WNK2: variants seen among roughly 807,000 people sequenced by gnomAD.
WNK2 encodes the protein serine/threonine-protein kinase WNK2.
In WNK2, 67 loss-of-function variants were observed where a neutral mutation model predicts 192.1. That is an observed-to-expected ratio of 0.35 (90% CI 0.29 to 0.43). The LOEUF (loss-of-function observed/expected upper bound fraction) is 0.43. Among genes scored for constraint, WNK2 ranks in the 20% least tolerant of loss-of-function variants. The probability of loss-of-function intolerance (pLI) is 1.00; values close to 1 mark genes in which losing one functional copy is unlikely to be tolerated. For synonymous variants in WNK2, 1,439 were observed against 1,393.9 expected (o/e 1.03, Z -0.72); for missense variants, 2,698 against 3,089.7 (o/e 0.87, Z 3.01).
chr9:93,289,658 T>G (rs1194526511), intron 20 of WNK2, 38 bp downstream of exon 20: 2 of 1,427,142 alleles, frequency 1.4e-6, no homozygotes, highest in Non-Finnish European at 1.8e-6. Context: ...CTGCCCTGGG[T>G]CAGGGGCCGG....
chr9:93,299,196 G>A lies in WNK2; in HGVS notation c.6050G>A (p.Arg2017Gln), dbSNP rs779498375. ...AVQTQQPCSV[R>Q]ASLSSDICSG... Reference sequence around the variant, plus strand: ...CAGACCCAGCAGCCCTGCTCCGTCCGGGCCTCCCTGTCTTCGGACATCTGC... The same window carrying A: ...CAGACCCAGCAGCCCTGCTCCGTCCAGGCCTCCCTGTCTTCGGACATCTGC... The change falls in exon 25 of 30, where the codon CGG (arginine) becomes CAG (glutamine). Residue 2017 changes from arginine to glutamine, a missense_variant. Transcript: ENST00000427277. 9.4e-6 allele frequency: 15 copies of A among 1,601,386 alleles called. No individual in the cohort carries two copies. Among genetic ancestry groups the A allele is most frequent in the African/African-American group, 6.7e-5 (5 of 74,688 alleles).
intron 2 of WNK2, among the ~76,000 whole-genome samples, chr9:93,195,486 G>A (rs1320344215): frequency 6.6e-6 from 1 of 152,134 alleles, no homozygotes; most frequent in African/African-American, 2.4e-5. Flanking sequence ...ATCACTTGAG[G>A]TCAGGAGTTT....
chr9:93,198,210 G>A (rs1447809903), intron 2 of WNK2, among the ~76,000 whole-genome samples: 4 of 152,202 alleles, frequency 2.6e-5, no homozygotes, highest in Non-Finnish European at 5.9e-5. Flanking sequence ...CCTCAGGATC[G>A]CCCAGCTCCC....
At chr9:93,311,972 A>G (rs1251837461) in intron 28 of WNK2, among the ~76,000 whole-genome samples, 3 of 152,136 alleles carry the variant, frequency 2.0e-5, no homozygotes, top group African/African-American at 7.2e-5. Flanking sequence ...TCAGGTGTGA[A>G]GTGGTATCCT....
chr9:93,299,479 A>G (rs1387476650), intron 25 of WNK2, among the ~76,000 whole-genome samples: 1 of 152,032 alleles, frequency 6.6e-6, no homozygotes. Flanking sequence ...TAAGCAGCTC[A>G]GGGGGAGGTG....
At chr9:93,262,826 T>A in intron 14 of WNK2, 107 bp downstream of exon 14, 1 of 1,271,462 alleles carries the variant, frequency 7.9e-7, no homozygotes, top group Non-Finnish European at 1.1e-6. Flanking sequence ...CACTATAGTT[T>A]GCCCTGATGC....
chr9:93,235,868 C>T (rs898556651), intron 5 of WNK2, among the ~76,000 whole-genome samples: 2 of 152,226 alleles, frequency 1.3e-5, no homozygotes, highest in South Asian at 4.1e-4. Context: ...GCTGCACAGC[C>T]TCACTCTGAC....
At position 93,239,615 on chromosome 9, in the gene WNK2, C is replaced by G; in HGVS notation, c.1323-142C>G. The G allele has an allele frequency of 1.5e-6, 1 of 647,778 alleles. No individual in the cohort carries two copies. The highest frequency in any genetic ancestry group is 1.8e-5 in the African/African-American group (1 of 54,792). The allele number at this position is 647,778 out of a possible 1,614,324, so 40.1% of individuals were successfully genotyped here. ...TGGATTCACTGAAATCTTTTCTTTA[C>G]CCCTGGGAGTGCTGAGACATGAGGC... On this transcript the variant is annotated intron_variant, in intron 6 of 29. Transcript: ENST00000427277. The surrounding 1 kb of genome is among the most constrained non-coding windows in gnomAD (Gnocchi z 4.2).
At chr9:93,276,328 G>A (rs1043214542) in intron 19 of WNK2, among the ~76,000 whole-genome samples, 4 of 152,198 alleles carry the variant, frequency 2.6e-5, no homozygotes, top group African/African-American at 7.2e-5. Flanking sequence ...AGATGCAAAA[G>A]CAATCCAAGA....
intron 2 of WNK2, among the ~76,000 whole-genome samples, chr9:93,190,570 A>T (rs1830164820): frequency 6.6e-6 from 1 of 152,238 alleles, no homozygotes; most frequent in Non-Finnish European, 1.5e-5. Context: ...CCATTGCCAA[A>T]GCTTGTGTTT....
chr9:93,299,044 C>T (rs1851121564), intron 24 of WNK2, 26 bp from the exon 25 acceptor site: 1 of 1,599,776 alleles, frequency 6.3e-7, no homozygotes, highest in Admixed American at 1.7e-5. Flanking sequence ...CTCATCGTGC[C>T]TGTCGCCTCT....
chr9:93,187,183 A>T (rs1044888465), intron 2 of WNK2, among the ~76,000 whole-genome samples: 4 of 152,054 alleles, frequency 2.6e-5, no homozygotes, highest in African/African-American at 9.7e-5. Flanking sequence ...GAGCCTGCTG[A>T]TCTGGCTGAG....
At chr9:93,277,549 C>A (rs1847120765) in intron 19 of WNK2, among the ~76,000 whole-genome samples, 1 of 152,100 alleles carries the variant, frequency 6.6e-6, no homozygotes, top group South Asian at 2.1e-4. Flanking sequence ...CATGGGTGAA[C>A]CTCAAAGGCA....
chr9:93,259,023 G>T lies in WNK2; in HGVS notation c.2475G>T (p.Val825=). ...TCCCAGACCTGCCGACCGCGACTGT[G>T]CCTCCCGTGCCACCACCTCAGTATT... ...PALPDLPTAT[V]PPVPPPQYFS... is the part of the protein sequence containing the mutation. Residue 825 remains valine (V), a synonymous_variant, in exon 12 of 30, where the codon GTG becomes GTT. Transcript: ENST00000427277. The surrounding 1 kb of genome is among the most constrained non-coding windows in gnomAD (Gnocchi z 4.8). 1 of 1,612,886 alleles carries T rather than the reference G, an allele frequency of 6.2e-7. No individual in the cohort carries two copies. Among genetic ancestry groups the T allele is most frequent in the Non-Finnish European group, 8.5e-7 (1 of 1,179,726 alleles).
Position 93,229,833 on chromosome 9 carries a change from G to T in WNK2, c.819G>T (p.Leu273=). The change falls in exon 3 of 30, where the codon CTG becomes CTT. Residue 273 remains leucine, a synonymous_variant. Coordinates refer to ENST00000427277, the MANE Select transcript of WNK2 (RefSeq NM_006648.4). The surrounding 1 kb of genome is among the most constrained non-coding windows in gnomAD (Gnocchi z 4.9). ...CCAAGGGCAAGCGGTGCATTGTGCT[G>T]GTGACGGAGCTGATGACCTCAGGGA... ...SSAKGKRCIV[L]VTELMTSGTL... 1 of 1,613,952 alleles carries T rather than the reference G, an allele frequency of 6.2e-7. No homozygotes were observed. The highest frequency in any genetic ancestry group is 8.5e-7 in the Non-Finnish European group (1 of 1,179,870).
chr9:93,264,161 G>A (rs1347721002), intron 16 of WNK2, 128 bp downstream of exon 16: 18 of 713,752 alleles, frequency 2.5e-5, no homozygotes, highest in East Asian at 1.9e-4. Context: ...GGGGCTTTTC[G>A]GGACAGTGCT....
intron 29 of WNK2, chr9:93,318,454 C>T (rs1275121509): frequency 6.2e-7 from 1 of 1,614,128 alleles, no homozygotes; most frequent in African/African-American, 1.3e-5. Flanking sequence ...GGCGGAGCTG[C>T]TTGCTCAGTA....
chr9:93,270,753 G>A (rs879463541), intron 19 of WNK2, among the ~76,000 whole-genome samples: 9 of 152,178 alleles, frequency 5.9e-5, no homozygotes, highest in African/African-American at 9.7e-5. Context: ...CCAGCACGCC[G>A]ACAGTTCTGG....
At chr9:93,290,541 C>T (rs922801972) in intron 21 of WNK2, among the ~76,000 whole-genome samples, 1 of 152,160 alleles carries the variant, frequency 6.6e-6, no homozygotes, top group Non-Finnish European at 1.5e-5. Flanking sequence ...GGATAAAGCC[C>T]CAGTTGGTGG....
Sources: allele counts gnomAD v4.1 joint callset (sites outside exome capture counted in the v4.1 genomes callset), GRCh38; gene constraint gnomAD v4.1.1; non-coding constraint Gnocchi (gnomAD v3.1); transcripts MANE v1.5; gene names NCBI Gene and HGNC (gene_info 2026-07-23, HGNC 2026-07-21).